The following SOX5 variants were observed in gnomAD, a reference collection of about 807,000 sequenced individuals.
SOX5 encodes transcription factor SOX-5.
In SOX5, 9 loss-of-function variants were observed where a neutral mutation model predicts 92.0. The observed-to-expected ratio is 0.10, with a 90% confidence interval of 0.06 to 0.17. The LOEUF is 0.17. SOX5 is among the 10% of genes least tolerant of loss of function. The probability of loss-of-function intolerance (pLI) is 1.00; values close to 1 mark genes in which losing one functional copy is unlikely to be tolerated. For missense variants in SOX5, 642 were observed against 944.5 expected (o/e 0.68, Z 4.20); for synonymous variants, 344 against 336.3 (o/e 1.02, Z -0.25).
At chr12:23,692,675 C>T (rs1201472659) in intron 6 of SOX5, among the ~76,000 whole-genome samples, 1 of 152,114 alleles carries the variant, frequency 6.6e-6, no homozygotes, top group Non-Finnish European at 1.5e-5. Flanking sequence ...TAGAGCTTTT[C>T]ACAATTCTTT....
intron 6 of SOX5, among the ~76,000 whole-genome samples, chr12:23,673,296 A>C (rs1298083228): frequency 1.3e-5 from 2 of 152,102 alleles, no homozygotes; most frequent in Non-Finnish European, 2.9e-5. Context: ...TGCTTGATCA[A>C]ATCAAAATCT....
chr12:24,387,435 C>T (rs1054708551), intron 1 of SOX5, among the ~76,000 whole-genome samples: 2 of 152,044 alleles, frequency 1.3e-5, no homozygotes, highest in Non-Finnish European at 2.9e-5. Flanking sequence ...CTTCGTTTTC[C>T]AGTATGACCC....
intron 1 of SOX5, among the ~76,000 whole-genome samples, chr12:23,936,212 A>C (rs1942524361): frequency 6.6e-6 from 1 of 151,046 alleles, no homozygotes; most frequent in Non-Finnish European, 1.5e-5. Context: ...AACTGTGTGT[A>C]GTATCAGCTG....
At chr12:24,207,204 G>T (rs1301098224) in intron 4 of SOX5, among the ~76,000 whole-genome samples, 1 of 152,216 alleles carries the variant, frequency 6.6e-6, no homozygotes, top group Non-Finnish European at 1.5e-5. Flanking sequence ...TTCTGTTATT[G>T]TAAAAGTAAA....
At chr12:23,634,811 A>G (rs1299280006) in intron 8 of SOX5, among the ~76,000 whole-genome samples, 2 of 152,194 alleles carry the variant, frequency 1.3e-5, no homozygotes, top group African/African-American at 4.8e-5. Flanking sequence ...AAGGTGATTA[A>G]TTAATATAGA....
intron 4 of SOX5, among the ~76,000 whole-genome samples, chr12:23,977,462 G>T (rs187743589): frequency 8.5e-5 from 13 of 152,278 alleles, no homozygotes; most frequent in Middle Eastern, 3.4e-3. Flanking sequence ...TTGAGGCCAG[G>T]AGTTCAAGGT....
At chr12:24,026,511 A>AGGC (rs1954897024) in intron 4 of SOX5, among the ~76,000 whole-genome samples, 1 of 150,906 alleles carries the variant, frequency 6.6e-6, no homozygotes, top group Non-Finnish European at 1.5e-5. Context: ...GTACTTTGGG[A>AGGC]GGCCAAGGCA....
chr12:24,477,338 TGAACA>T lies in SOX5; in HGVS notation c.-251+84986_-251+84990del, dbSNP rs1945508002. 3.3e-5 allele frequency among the ~76,000 whole-genome samples: 5 copies of T among 152,262 alleles called. No individual in the cohort carries two copies. The South Asian group carries it at 1.0e-3, about 32-fold the overall frequency. On this transcript the variant is annotated intron_variant, in intron 1 of 4. Transcript: ENST00000446891. ...TAATAGAGACGAGGTTTTGCCATGT[TGAACA>T]GACTGGTCTCGAACTCCTGACCTCA...
intron 3 of SOX5, among the ~76,000 whole-genome samples, chr12:23,845,257 G>A (rs2096562016): frequency 6.6e-6 from 1 of 152,332 alleles, no homozygotes; most frequent in Admixed American, 6.5e-5. Context: ...TGGCACCCAT[G>A]CTTAGGATGG....
intron 1 of SOX5, among the ~76,000 whole-genome samples, chr12:24,440,243 C>T (rs1940262554): frequency 6.6e-6 from 1 of 152,168 alleles, no homozygotes; most frequent in Admixed American, 6.6e-5. Flanking sequence ...GGCAATGCCA[C>T]AGACGCTGAC....
intron 4 of SOX5, among the ~76,000 whole-genome samples, chr12:24,152,134 A>T (rs1565541317): frequency 6.6e-6 from 1 of 152,146 alleles, no homozygotes; most frequent in Non-Finnish European, 1.5e-5. Flanking sequence ...ATCTTTATGA[A>T]ATTCTTTAGG....
At chr12:23,935,671 G>A (rs764468949) in intron 1 of SOX5, among the ~76,000 whole-genome samples, 1 of 151,032 alleles carries the variant, frequency 6.6e-6, no homozygotes, top group Non-Finnish European at 1.5e-5. Context: ...ATCACCTTGT[G>A]CAATGAATGA....
At chr12:24,493,382 G>GT (rs1947287798) in intron 1 of SOX5, among the ~76,000 whole-genome samples, 1 of 152,006 alleles carries the variant, frequency 6.6e-6, no homozygotes, top group African/African-American at 2.4e-5. Context: ...ATAAAAAGAA[G>GT]TAAAAACTAA....
intron 4 of SOX5, among the ~76,000 whole-genome samples, chr12:24,031,331 A>C (rs1011870578): frequency 1.3e-5 from 2 of 151,858 alleles, no homozygotes; most frequent in African/African-American, 4.8e-5. Context: ...GAATGGATAA[A>C]GAAAATGTGA....
chr12:23,979,698 G>GGTTT (rs1949311242), intron 4 of SOX5, among the ~76,000 whole-genome samples: 1 of 64,692 alleles, frequency 1.5e-5, no homozygotes, highest in South Asian at 6.4e-4. Flanking sequence ...ATATATATAT[G>GGTTT]TTTTTTTTGT....
At chr12:23,671,595 C>A (rs1282833426) in intron 6 of SOX5, among the ~76,000 whole-genome samples, 1 of 152,108 alleles carries the variant, frequency 6.6e-6, no homozygotes, top group African/African-American at 2.4e-5. Context: ...TCAATGACCG[C>A]TAATAGTCTG....
At chr12:24,451,380 C>T (rs1942278987) in intron 1 of SOX5, among the ~76,000 whole-genome samples, 1 of 152,166 alleles carries the variant, frequency 6.6e-6, no homozygotes, top group Non-Finnish European at 1.5e-5. Flanking sequence ...CCAAACAGTT[C>T]TCCATAGTGG....
At chr12:24,085,763 GA>G (rs1344642748) in intron 4 of SOX5, among the ~76,000 whole-genome samples, 3 of 151,262 alleles carry the variant, frequency 2.0e-5, no homozygotes, top group Non-Finnish European at 4.4e-5. Flanking sequence ...ATTTTGGAAA[GA>G]AAAAAAATCT....
upstream of SOX5, among the ~76,000 whole-genome samples, chr12:23,952,626 T>G (rs1481466589): frequency 1.3e-5 from 2 of 152,200 alleles, no homozygotes; most frequent in African/African-American, 4.8e-5. Context: ...GACAAATTAT[T>G]TCTTGCACAA....
Sources: allele counts gnomAD v4.1 joint callset (sites outside exome capture counted in the v4.1 genomes callset), GRCh38; gene constraint gnomAD v4.1.1; transcripts MANE v1.5; gene names NCBI Gene and HGNC (gene_info 2026-07-23, HGNC 2026-07-21).